Variants in CA12 observed in about 807,000 individuals in gnomAD.
The protein encoded by CA12 is carbonate dehydratase XII.
Under a neutral mutation model 46.8 loss-of-function variants are expected in CA12, and 36 were observed. That is an observed-to-expected ratio of 0.77 (90% CI 0.59 to 1.02). CA12 has a LOEUF of 1.02. CA12 is among the 50% of genes least tolerant of loss of function. CA12 has a pLI of 0.00. For synonymous variants in CA12, 202 were observed against 187.0 expected, an observed-to-expected ratio of 1.08 and a Z score of -0.65; for missense variants, 436 against 451.4, an observed-to-expected ratio of 0.97 and a Z score of 0.31.
chr15:63,342,784 C>A (rs1402741962), intron 4 of CA12, among the ~76,000 whole-genome samples: 1 of 152,146 alleles, frequency 6.6e-6, no homozygotes, highest in African/African-American at 2.4e-5. Flanking sequence ...ACAACCCATG[C>A]ATTTTTGCTG....
chr15:63,334,307 G>A (rs550165084), intron 8 of CA12, among the ~76,000 whole-genome samples: 15 of 139,994 alleles, frequency 1.1e-4, no homozygotes, highest in African/African-American at 3.6e-4. Context: ...CCAGGCTGGA[G>A]TGCACTGGTG....
At chr15:63,344,152 G>A (rs535200687) in intron 4 of CA12, among the ~76,000 whole-genome samples, 1 of 152,272 alleles carries the variant, frequency 6.6e-6, no homozygotes, top group South Asian at 2.1e-4. Context: ...CAGATTCGCT[G>A]AGCTAGATGA....
chr15:63,347,394 G>A (rs1318167631), intron 2 of CA12, among the ~76,000 whole-genome samples: 1 of 152,176 alleles, frequency 6.6e-6, no homozygotes, highest in African/African-American at 2.4e-5. Flanking sequence ...AACCCAATCT[G>A]ATAGGGATGA....
intron 2 of CA12, among the ~76,000 whole-genome samples, chr15:63,349,885 G>A (rs146187971): frequency 6.6e-6 from 1 of 152,110 alleles, no homozygotes; most frequent in South Asian, 2.1e-4. Flanking sequence ...TTTCATGCTT[G>A]TTCCTTTCCC....
At chr15:63,376,519 T>C (rs902833103) in intron 1 of CA12, among the ~76,000 whole-genome samples, 8 of 150,884 alleles carry the variant, frequency 5.3e-5, no homozygotes, top group African/African-American at 1.7e-4. Context: ...TTACATTTTC[T>C]CTCTCTCTCT....
At chr15:63,380,297 A>C (rs1306531856) in intron 1 of CA12, among the ~76,000 whole-genome samples, 1 of 152,046 alleles carries the variant, frequency 6.6e-6, no homozygotes, top group African/African-American at 2.4e-5. Flanking sequence ...CAGGGAAAGT[A>C]GGGAAGAAAG....
At position 63,331,325 on chromosome 15, in the gene CA12, T is replaced by C. The variant is rs1294570630; in HGVS notation, c.875-3195A>G. ...GCCTCGGCTGGGTGAGAGCGAAGCC[T>C]CTAGGCACTGTAGAGAACAGGCATC... On this transcript the variant is annotated intron_variant, in intron 8 of 10. Transcript: ENST00000178638. The surrounding 1 kb of genome is among the most constrained non-coding windows in gnomAD (Gnocchi z 5.3). 1.3e-5 allele frequency among the ~76,000 whole-genome samples: 2 copies of C among 152,164 alleles called. No individual in the cohort carries two copies. Among genetic ancestry groups the C allele is most frequent in the East Asian group, 1.9e-4 (1 of 5,194 alleles).
At chr15:63,379,953 T>C (rs959092171) in intron 1 of CA12, among the ~76,000 whole-genome samples, 3 of 152,212 alleles carry the variant, frequency 2.0e-5, no homozygotes, top group Non-Finnish European at 4.4e-5. Flanking sequence ...TTGAACATTC[T>C]CCAATGCTGG....
intron 2 of CA12, among the ~76,000 whole-genome samples, chr15:63,352,184 T>A (rs2039241206): frequency 6.6e-6 from 1 of 152,222 alleles, no homozygotes; most frequent in Non-Finnish European, 1.5e-5. Context: ...GCCTCCCAAG[T>A]AGCTGGGATT....
At position 63,338,814 on chromosome 15, in the gene CA12, C is replaced by T; in HGVS notation, c.874+5G>A. On this transcript the variant is annotated splice_donor_5th_base_variant and intron_variant, in intron 8 of 10. Coordinates refer to ENST00000178638, the MANE Select transcript of CA12 (RefSeq NM_001218.5). Reference sequence around the variant, plus strand: ...CCCCCTCCCCCCAGCACTGCCTCTCCTCACCTTGGGAGAAGGAGGTGTATA... The same window carrying T: ...CCCCCTCCCCCCAGCACTGCCTCTCTTCACCTTGGGAGAAGGAGGTGTATA... 1 of 1,614,106 alleles carries T rather than the reference C, an allele frequency of 6.2e-7. No individual in the cohort carries two copies. The highest frequency in any genetic ancestry group is 1.1e-5 in the South Asian group (1 of 91,068).
Position 63,327,091 on chromosome 15 carries a change from G to T in CA12, c.992+58C>A, listed in dbSNP as rs1044888730. ...TGCCACAAAGCTGCCTTCCCAGGCAGACTAATCATCATGGACACATAGCTG... is the reference window on the plus strand; with the variant it reads ...TGCCACAAAGCTGCCTTCCCAGGCATACTAATCATCATGGACACATAGCTG... On this transcript the variant is annotated intron_variant, in intron 10 of 10. Transcript: ENST00000178638. The surrounding 1 kb of genome is among the most constrained non-coding windows in gnomAD (Gnocchi z 4.5). 2 of 1,472,636 alleles carry T rather than the reference G, an allele frequency of 1.4e-6. No homozygotes were observed. Among genetic ancestry groups the T allele is most frequent in the African/African-American group, 1.4e-5 (1 of 72,166 alleles). 91.2% of individuals were successfully genotyped at this position (1,472,636 alleles called of 1,614,324 possible). A position where few individuals can be genotyped will look rare whatever the true frequency, so the allele number is the denominator to read the frequency against.
At chr15:63,370,542 G>A (rs2039490136) in intron 2 of CA12, among the ~76,000 whole-genome samples, 1 of 152,138 alleles carries the variant, frequency 6.6e-6, no homozygotes, top group Non-Finnish European at 1.5e-5. Flanking sequence ...GGAGGCCAAG[G>A]CAGGTGGGTC....
chr15:63,343,878 T>A (rs2039113027), intron 4 of CA12, among the ~76,000 whole-genome samples: 1 of 152,116 alleles, frequency 6.6e-6, no homozygotes, highest in South Asian at 2.1e-4. Context: ...GGGAGCTGCC[T>A]CCCATTCTAT....
In CA12 at chr15:63,348,527, G is replaced by A. The variant is rs1374395412; in HGVS notation, c.107-1818C>T. ...CACAGGGTAAGACTCCCTAAGTGAGGCTGCCAGCCTTTTCTGTGCTCACAA... is the reference window on the plus strand; with the variant it reads ...CACAGGGTAAGACTCCCTAAGTGAGACTGCCAGCCTTTTCTGTGCTCACAA... On this transcript the variant is annotated intron_variant, in intron 2 of 10. Coordinates refer to ENST00000178638, the MANE Select transcript of CA12 (RefSeq NM_001218.5). The surrounding 1 kb of genome is among the most constrained non-coding windows in gnomAD (Gnocchi z 4.6). Among the ~76,000 whole-genome samples the A allele has an allele frequency of 6.6e-6, 1 of 152,220 alleles. No homozygotes were observed. Among genetic ancestry groups the A allele is most frequent in the Non-Finnish European group, 1.5e-5 (1 of 68,046 alleles).
chr15:63,373,694 G>C lies in CA12; in HGVS notation c.106+1964C>G, dbSNP rs991816558. ...GCCTAGAAATCTGCATTTTGGGGAA[G>C]TATTCCAGGTGATCCTGATGTGGGT... On this transcript the variant is annotated intron_variant, in intron 2 of 10. Transcript: ENST00000178638. This position sits in a 1 kb window ranked among gnomAD's most constrained non-coding sequence, Gnocchi z 4.9. Among the ~76,000 whole-genome samples, 37 of 152,296 alleles carry C rather than the reference G, an allele frequency of 2.4e-4. No individual in the cohort carries two copies. The highest frequency in any genetic ancestry group is 8.9e-4 in the African/African-American group (37 of 41,568).
chr15:63,342,172 C>T, intron 4 of CA12, 75 bp from the exon 5 acceptor site: 9 of 947,194 alleles, frequency 9.5e-6, no homozygotes, highest in East Asian at 2.5e-5. Context: ...GAAGACTTGA[C>T]TCCAACTGTG....
chr15:63,342,239 C>T lies in CA12; in HGVS notation c.430-142G>A, dbSNP rs1392829483. 6 of 680,826 alleles carry T rather than the reference C, an allele frequency of 8.8e-6. No individual in the cohort carries two copies. The East Asian group carries it at 1.6e-4, about 19-fold the overall frequency. The allele number at this position is 680,826 out of a possible 1,614,324, so 42.2% of individuals were successfully genotyped here. A position where few individuals can be genotyped will look rare whatever the true frequency, so the allele number is the denominator to read the frequency against. ...GACTAGGTTAGGTCTCTCAGACCCT[C>T]CCCTTATTTTGCCAAGGATAAGGAC... On this transcript the variant is annotated intron_variant, in intron 4 of 10. Coordinates refer to ENST00000178638, the MANE Select transcript of CA12 (RefSeq NM_001218.5).
Position 63,345,707 on chromosome 15 carries a change from C to T in CA12, c.287-88G>A. The T allele has an allele frequency of 1.3e-6, 2 of 1,499,524 alleles. No individual in the cohort carries two copies. Among genetic ancestry groups the T allele is most frequent in the South Asian group, 2.4e-5 (2 of 83,678 alleles). 92.9% of individuals were successfully genotyped at this position (1,499,524 alleles called of 1,614,324 possible). A position where few individuals can be genotyped will look rare whatever the true frequency, so the allele number is the denominator to read the frequency against. On this transcript the variant is annotated intron_variant, in intron 3 of 10. Coordinates refer to ENST00000178638, the MANE Select transcript of CA12 (RefSeq NM_001218.5). The surrounding 1 kb of genome is among the most constrained non-coding windows in gnomAD (Gnocchi z 4.3). The stretch of plus-strand genomic sequence containing the variant: ...CAGGTAGGCAATGCTCCCTCCACCC[C>T]TGCTGCCACCCCCTGGAGCCCAGAG...
At position 63,323,938 on chromosome 15, in the gene CA12, T is replaced by C. The variant is rs2038830247; in HGVS notation, c.*2347A>G. 6.6e-6 allele frequency: 1 copy of C among 152,226 alleles called. No individual in the cohort carries two copies. Among genetic ancestry groups the C allele is most frequent in the Non-Finnish European group, 1.5e-5 (1 of 68,062 alleles). 9.4% of individuals were successfully genotyped at this position (152,226 alleles called of 1,614,324 possible). A position where few individuals can be genotyped will look rare whatever the true frequency, so the allele number is the denominator to read the frequency against. ...CCTGGCCCCAGCCTGGGCCTTGTTT[T>C]TGCTATTTCCACCTAGGCATCTGCC... is the stretch of plus-strand genomic sequence containing the variant. On this transcript the variant is annotated 3_prime_UTR_variant, in exon 11 of 11. Transcript: ENST00000178638. This position sits in a 1 kb window ranked among gnomAD's most constrained non-coding sequence, Gnocchi z 5.1.
Sources: gnomAD v4.1 joint callset for allele counts (sites outside exome capture counted in the v4.1 genomes callset) on GRCh38, gnomAD v4.1.1 for gene constraint, Gnocchi (gnomAD v3.1) non-coding constraint, MANE v1.5 for transcripts, NCBI Gene and HGNC (gene_info 2026-07-23, HGNC 2026-07-21) for gene names.